The following FBXL5 variants were observed in gnomAD, a reference collection of about 807,000 sequenced individuals.
FBXL5 encodes the protein F-box and leucine rich repeat protein 5.
FBXL5 carries 26 observed loss-of-function variants against 78.3 expected under a neutral mutation model. The ratio of observed to expected loss-of-function variants is 0.33; its 90% CI spans 0.24 to 0.46. The LOEUF is 0.46. FBXL5 is among the 20% of genes least tolerant of loss of function. The probability of loss-of-function intolerance (pLI) is 1.00; values close to 1 mark genes in which losing one functional copy is unlikely to be tolerated. For missense variants in FBXL5, 710 were observed against 829.2 expected, an observed-to-expected ratio of 0.86 and a Z score of 1.77; for synonymous variants, 295 against 282.5, an observed-to-expected ratio of 1.04 and a Z score of -0.45.
chr4:15,664,419 A>C (rs576873939), upstream of FBXL5, among the ~76,000 whole-genome samples: 27 of 152,252 alleles, frequency 1.8e-4, 1 homozygote, highest in South Asian at 4.6e-3. Context: ...TTCCTATTGA[A>C]CAGGACCCAG....
intron 6 of FBXL5, among the ~76,000 whole-genome samples, chr4:15,629,929 T>C (rs1305448425): frequency 6.6e-6 from 1 of 152,180 alleles, no homozygotes; most frequent in African/African-American, 2.4e-5. Flanking sequence ...CATCTGTTCA[T>C]TTTTTACTAT....
At chr4:15,642,210 A>G (rs1355453158) in intron 2 of FBXL5, among the ~76,000 whole-genome samples, 1 of 151,812 alleles carries the variant, frequency 6.6e-6, no homozygotes, top group Non-Finnish European at 1.5e-5. Context: ...CAGCCCTCTC[A>G]AAGCATGTGG....
At chr4:15,615,853 C>T (rs1711797751) in intron 9 of FBXL5, among the ~76,000 whole-genome samples, 1 of 152,058 alleles carries the variant, frequency 6.6e-6, no homozygotes, top group African/African-American at 2.4e-5. Flanking sequence ...AGCAGGCTGC[C>T]CAAGCCAGCA....
At chr4:15,609,179 A>G (rs1722076915) in intron 10 of FBXL5, among the ~76,000 whole-genome samples, 3 of 152,172 alleles carry the variant, frequency 2.0e-5, no homozygotes, top group Admixed American at 2.0e-4. Context: ...TATCACCAGC[A>G]AACTTCCATC....
intron 1 of FBXL5, among the ~76,000 whole-genome samples, chr4:15,650,467 C>G (rs1266027034): frequency 6.6e-6 from 1 of 152,054 alleles, no homozygotes; most frequent in Non-Finnish European, 1.5e-5. Context: ...TGACCTACTA[C>G]TAATAGGTCA....
Position 15,636,535 on chromosome 4 carries a change from C to T in FBXL5, c.725G>A (p.Gly242Glu), listed in dbSNP as rs1577458958. 1 of 1,613,318 alleles carries T rather than the reference C, an allele frequency of 6.2e-7. No homozygotes were observed. Among genetic ancestry groups the T allele is most frequent in the African/African-American group, 1.3e-5 (1 of 74,910 alleles). The change falls in exon 5 of 11, where the codon GGA (glycine) becomes GAA (glutamate). Residue 242 changes from glycine to glutamate, a missense_variant. Around this residue, in one of 4 missense-constraint regions of FBXL5, gnomAD observed 517 missense variants for 542.9 expected, o/e 0.95. Coordinates refer to ENST00000341285, the MANE Select transcript of FBXL5 (RefSeq NM_012161.4). ...SMKWSQLTKT[G>E]SLWKHLYPVH... ...AGGGTAAAGATGTTTCCAAAGCGAT[C>T]CCGTTTTTGTCAGCTGAGACCATTT...
intron 1 of FBXL5, among the ~76,000 whole-genome samples, chr4:15,679,764 C>T (rs1196351389): frequency 6.7e-6 from 1 of 149,478 alleles, no homozygotes; most frequent in African/African-American, 2.4e-5. Flanking sequence ...TTCCAATCCC[C>T]CTAAAAAAAA....
chr4:15,665,510 G>A (rs1353689311), intron 1 of FBXL5, among the ~76,000 whole-genome samples: 1 of 152,110 alleles, frequency 6.6e-6, no homozygotes, highest in Non-Finnish European at 1.5e-5. Flanking sequence ...TTTGCGAGAT[G>A]TATCTAAAAT....
chr4:15,659,142 T>C (rs1053813350), upstream of FBXL5, among the ~76,000 whole-genome samples: 6 of 152,164 alleles, frequency 3.9e-5, no homozygotes, highest in African/African-American at 1.2e-4. Flanking sequence ...GGGTACCCAG[T>C]AAAATAATTA....
At chr4:15,649,578 C>CAAA (rs34238482) in intron 1 of FBXL5, among the ~76,000 whole-genome samples, 91 of 81,294 alleles carry the variant, frequency 1.1e-3, no homozygotes, top group Middle Eastern at 7.5e-3. Flanking sequence ...GACTACGTCT[C>CAAA]AAAAAAAAAA....
intron 9 of FBXL5, among the ~76,000 whole-genome samples, chr4:15,623,761 T>C (rs1182309330): frequency 1.3e-5 from 2 of 152,104 alleles, no homozygotes; most frequent in African/African-American, 4.8e-5. Context: ...ACCACAGTTA[T>C]ACCAGTTACC....
rs1199780094 is a variant in FBXL5, at chr4:15,604,539, T to G, written c.*1184A>C. 6.6e-6 allele frequency: 1 copy of G among 152,166 alleles called. No individual in the cohort carries two copies. Among genetic ancestry groups the G allele is most frequent in the South Asian group, 2.1e-4 (1 of 4,826 alleles). 9.4% of individuals were successfully genotyped at this position (152,166 alleles called of 1,614,324 possible). A position where few individuals can be genotyped will look rare whatever the true frequency, so the allele number is the denominator to read the frequency against. On this transcript the variant is annotated 3_prime_UTR_variant, in exon 11 of 11. Coordinates refer to ENST00000341285, the MANE Select transcript of FBXL5 (RefSeq NM_012161.4). ...AAGAATTATCACAATATACGAGACA[T>G]GAAAGGAGAAGTTTTATTGGAAACA...
intron 4 of FBXL5, among the ~76,000 whole-genome samples, chr4:15,637,548 T>C (rs6827406): frequency 0.35 from 53,284 of 152,032 alleles, 9,733 homozygotes; most frequent in Non-Finnish European, 0.37. Context: ...ATATTTTAAA[T>C]ATAATACAGC....
chr4:15,652,964 G>C (rs1352690517), intron 1 of FBXL5, among the ~76,000 whole-genome samples: 1 of 152,068 alleles, frequency 6.6e-6, no homozygotes, highest in Non-Finnish European at 1.5e-5. Flanking sequence ...AAACAAACAA[G>C]GTACTCTTCC....
intron 10 of FBXL5, among the ~76,000 whole-genome samples, chr4:15,607,369 G>A (rs1379192322): frequency 2.6e-5 from 4 of 151,936 alleles, no homozygotes; most frequent in Middle Eastern, 3.4e-3. Flanking sequence ...AATCTTTTCT[G>A]GTCTTTAAAT....
chr4:15,674,097 C>T (rs56065468), intron 1 of FBXL5, among the ~76,000 whole-genome samples: 14,083 of 152,106 alleles, frequency 0.093, 798 homozygotes, highest in Non-Finnish European at 0.13. Flanking sequence ...TTTTCCAACA[C>T]TCTGAATCAA....
intron 9 of FBXL5, among the ~76,000 whole-genome samples, chr4:15,618,263 G>A (rs1445806176): frequency 6.6e-6 from 1 of 152,158 alleles, no homozygotes; most frequent in Non-Finnish European, 1.5e-5. Context: ...GCATGGTGGT[G>A]CATGCCTGTA....
At position 15,628,789 on chromosome 4, in the gene FBXL5, G is replaced by GCACA. The variant is rs778787569; in HGVS notation, c.893-760_893-757dup. Among the ~76,000 whole-genome samples, 4 of 21,234 alleles carry GCACA rather than the reference G, an allele frequency of 1.9e-4. No homozygotes were observed. The East Asian group carries it at 9.7e-3, about 51-fold the overall frequency. 13.9% of individuals were successfully genotyped at this position (21,234 alleles called of 152,430 possible). ...CAGACACAGACACACACACACACAC[G>GCACA]CACACACACACACACGAAGATAAAA... On this transcript the variant is annotated intron_variant, in intron 6 of 10. Transcript: ENST00000341285.
upstream of FBXL5, chr4:15,655,418 TGGCCGGCGG>T: frequency 9.0e-6 from 9 of 1,001,076 alleles, no homozygotes; most frequent in Non-Finnish European, 1.1e-5. Flanking sequence ...CCGGTCGGCT[TGGCCGGCGG>T]GGACGCGGGG....
Sources: gnomAD v4.1 joint callset for allele counts (sites outside exome capture counted in the v4.1 genomes callset) on GRCh38, gnomAD v4.1.1 for gene constraint, gnomAD v4.1.1 regional missense constraint, MANE v1.5 for transcripts, NCBI Gene and HGNC (gene_info 2026-07-23, HGNC 2026-07-21) for gene names.